The following STXBP5L variants were observed in gnomAD, a reference collection of about 807,000 sequenced individuals.
STXBP5L encodes the protein syntaxin-binding protein 5-like.
In STXBP5L, 65 loss-of-function variants were observed where a neutral mutation model predicts 144.5. That is an observed-to-expected ratio of 0.45 (90% CI 0.37 to 0.55). The LOEUF is 0.55. Among genes scored for constraint, STXBP5L ranks in the 20% least tolerant of loss-of-function variants. The pLI, the probability that STXBP5L is intolerant of heterozygous loss-of-function variation, is 0.00. For synonymous variants in STXBP5L, 505 were observed against 469.6 expected (o/e 1.08, Z -0.97); for missense variants, 1,298 against 1,405.5 (o/e 0.92, Z 1.22).
At chr3:121,090,164 G>C (rs554930046) in intron 5 of STXBP5L, among the ~76,000 whole-genome samples, 1 of 152,208 alleles carries the variant, frequency 6.6e-6, no homozygotes, top group South Asian at 2.1e-4. Flanking sequence ...ATTGTTATGA[G>C]GTTTCAGTTT....
intron 22 of STXBP5L, among the ~76,000 whole-genome samples, chr3:121,397,202 T>C (rs1188805017): frequency 6.6e-6 from 1 of 152,240 alleles, no homozygotes. Flanking sequence ...GCTAAGGGGA[T>C]AGTAAAGAAA....
chr3:121,414,632 CAGA>C, intron 24 of STXBP5L, among the ~76,000 whole-genome samples: 2 of 152,212 alleles, frequency 1.3e-5, no homozygotes, highest in East Asian at 3.8e-4. Context: ...ATACTTTAGA[CAGA>C]AGTAGTGGCA....
At chr3:121,153,167 G>A (rs921537428) in intron 8 of STXBP5L, among the ~76,000 whole-genome samples, 3 of 152,008 alleles carry the variant, frequency 2.0e-5, no homozygotes, top group African/African-American at 7.2e-5. Flanking sequence ...TTTGTATTTA[G>A]GGGAAGCAAC....
intron 16 of STXBP5L, among the ~76,000 whole-genome samples, chr3:121,255,429 G>A (rs1237882505): frequency 1.3e-5 from 2 of 151,930 alleles, no homozygotes; most frequent in Admixed American, 6.6e-5. Flanking sequence ...TACATGAGTT[G>A]CATCTACCTG....
chr3:121,369,794 G>A (rs893836740), intron 20 of STXBP5L, among the ~76,000 whole-genome samples: 34 of 152,034 alleles, frequency 2.2e-4, no homozygotes, highest in Middle Eastern at 3.2e-3. Flanking sequence ...TTGATGTTGG[G>A]GAATCTGATG....
At chr3:121,016,346 A>T (rs1945145780) in intron 3 of STXBP5L, among the ~76,000 whole-genome samples, 1 of 152,242 alleles carries the variant, frequency 6.6e-6, no homozygotes, top group African/African-American at 2.4e-5. Context: ...TTTAATGTAG[A>T]GATTAGACAA....
At chr3:121,380,884 C>G (rs187057461) in intron 21 of STXBP5L, among the ~76,000 whole-genome samples, 1 of 152,220 alleles carries the variant, frequency 6.6e-6, no homozygotes, top group Admixed American at 6.5e-5. Context: ...TTGGAACTGA[C>G]AAGAAACTGT....
In STXBP5L at chr3:121,061,308, C is replaced by G. The variant is rs140914388; in HGVS notation, c.470+15773C>G. On this transcript the variant is annotated intron_variant, in intron 5 of 26. Coordinates refer to ENST00000471454, the MANE Select transcript of STXBP5L (RefSeq NM_001308330.2). ...TGAGTGAGTTTCTTAACCCCGAGTT[C>G]TAATTTGATTGCACTGTGGTCTGAG... 5.1e-3 allele frequency among the ~76,000 whole-genome samples: 783 copies of G among 152,300 alleles called. 5 individuals carry two copies. The East Asian group carries it at 0.057, about 11-fold the overall frequency.
chr3:121,094,645 T>G (rs1216128715), intron 5 of STXBP5L, among the ~76,000 whole-genome samples: 1 of 152,138 alleles, frequency 6.6e-6, no homozygotes, highest in African/African-American at 2.4e-5. Flanking sequence ...CTCCATCCTT[T>G]TATTTTGAGC....
chr3:121,260,528 A>G (rs1020798748), intron 18 of STXBP5L, among the ~76,000 whole-genome samples: 6 of 151,994 alleles, frequency 3.9e-5, no homozygotes, highest in African/African-American at 1.4e-4. Context: ...TCTCTCTAAT[A>G]TGCTTTTTTT....
intron 5 of STXBP5L, among the ~76,000 whole-genome samples, chr3:121,105,352 C>T (rs552598322): frequency 3.3e-5 from 5 of 151,090 alleles, no homozygotes; most frequent in Non-Finnish European, 4.4e-5. Flanking sequence ...GCCGAGATCA[C>T]GCCGCTGCAC....
intron 9 of STXBP5L, among the ~76,000 whole-genome samples, chr3:121,199,267 A>G (rs1379098402): frequency 6.6e-6 from 1 of 152,056 alleles, no homozygotes; most frequent in African/African-American, 2.4e-5. Flanking sequence ...TTCACTCATG[A>G]TTTGGCTCTC....
chr3:121,120,716 A>C (rs1048537442), intron 6 of STXBP5L, among the ~76,000 whole-genome samples: 1 of 151,248 alleles, frequency 6.6e-6, no homozygotes, highest in Admixed American at 6.6e-5. Flanking sequence ...GATTCCAAAT[A>C]GTTTCTAAGA....
chr3:121,188,233 A>G (rs1390229046), intron 9 of STXBP5L, among the ~76,000 whole-genome samples: 2 of 152,348 alleles, frequency 1.3e-5, no homozygotes, highest in Middle Eastern at 3.4e-3. Context: ...TAGAATATAC[A>G]TTCTTCTCAG....
chr3:121,087,034 A>G (rs73189319), intron 5 of STXBP5L, among the ~76,000 whole-genome samples: 5,393 of 152,024 alleles, frequency 0.035, 143 homozygotes, highest in Middle Eastern at 0.082. Context: ...ATTCCATTGT[A>G]CTCAGAGAAA....
Position 121,424,253 on chromosome 3 carries a change from C to T in STXBP5L, c.*5156C>T, listed in dbSNP as rs892067982. 1 of 152,152 alleles carries T rather than the reference C, an allele frequency of 6.6e-6. No homozygotes were observed. Among genetic ancestry groups the T allele is most frequent in the African/African-American group, 2.4e-5 (1 of 41,428 alleles). The allele number at this position is 152,152 out of a possible 1,614,324, so 9.4% of individuals were successfully genotyped here. A position where few individuals can be genotyped will look rare whatever the true frequency, so the allele number is the denominator to read the frequency against. ...TTTTGATTGTTATCTCAATCAAAAG[C>T]TCCCAGGGCCACTTGGATTTATTTT... On this transcript the variant is annotated 3_prime_UTR_variant, in exon 27 of 27. Transcript: ENST00000471454.
intron 5 of STXBP5L, among the ~76,000 whole-genome samples, chr3:121,046,985 C>G (rs75256160): frequency 6.6e-6 from 1 of 151,876 alleles, no homozygotes. Context: ...TTGATGTGGA[C>G]CTTTAGCACT....
intron 3 of STXBP5L, among the ~76,000 whole-genome samples, chr3:120,966,586 C>G (rs1440990895): frequency 6.6e-6 from 1 of 152,206 alleles, no homozygotes; most frequent in South Asian, 2.1e-4. Context: ...TCTCCAGGTC[C>G]TGTTTGCCTG....
chr3:121,193,434 G>A (rs199635871), intron 9 of STXBP5L, among the ~76,000 whole-genome samples: 11,716 of 124,526 alleles, frequency 0.094, 1,121 homozygotes, highest in East Asian at 0.39. Context: ...TGGATCTAGA[G>A]CTAGAAATAC....
Sources: gnomAD v4.1 joint callset for allele counts (sites outside exome capture counted in the v4.1 genomes callset) on GRCh38, gnomAD v4.1.1 for gene constraint, MANE v1.5 for transcripts, NCBI Gene and HGNC (gene_info 2026-07-23, HGNC 2026-07-21) for gene names.